Variants in GRID2 observed in about 807,000 individuals in gnomAD.
GRID2 encodes glutamate receptor ionotropic, delta-2.
GRID2 carries 33 observed loss-of-function variants against 114.8 expected under a neutral mutation model. That is an observed-to-expected ratio of 0.29 (90% CI 0.22 to 0.38). GRID2 has a LOEUF of 0.38. Among genes scored for constraint, GRID2 ranks in the 10% least tolerant of loss-of-function variants. The pLI is 1.00. For missense variants in GRID2, 1,184 were observed against 1,257.7 expected, an observed-to-expected ratio of 0.94 and a Z score of 0.89; for synonymous variants, 505 against 449.9, an observed-to-expected ratio of 1.12 and a Z score of -1.55.
At chr4:93,350,053 A>G (rs1760646319) in intron 8 of GRID2, among the ~76,000 whole-genome samples, 1 of 152,034 alleles carries the variant, frequency 6.6e-6, no homozygotes, top group Non-Finnish European at 1.5e-5. Context: ...AACATTTTAC[A>G]TCTTGTGCAG....
At chr4:92,975,777 A>G (rs1753833073) in intron 2 of GRID2, among the ~76,000 whole-genome samples, 1 of 152,116 alleles carries the variant, frequency 6.6e-6, no homozygotes, top group Non-Finnish European at 1.5e-5. Context: ...TTATCAACAA[A>G]TGTAGATAAT....
At chr4:92,878,799 A>G (rs1417986274) in intron 2 of GRID2, among the ~76,000 whole-genome samples, 1 of 152,174 alleles carries the variant, frequency 6.6e-6, no homozygotes, top group African/African-American at 2.4e-5. Flanking sequence ...CATACAAGGA[A>G]TTAGAGAAGA....
chr4:93,750,819 A>C (rs1732260106), intron 14 of GRID2, among the ~76,000 whole-genome samples: 1 of 152,200 alleles, frequency 6.6e-6, no homozygotes, highest in Admixed American at 6.5e-5. Context: ...TTAGGATAGA[A>C]GGAAGAAAGA....
chr4:92,943,545 T>C (rs1751352115), intron 2 of GRID2, among the ~76,000 whole-genome samples: 1 of 151,848 alleles, frequency 6.6e-6, no homozygotes, highest in African/African-American at 2.4e-5. Context: ...TAGCTCGGAG[T>C]AGTTTGATCG....
chr4:92,511,936 G>GA (rs1724271517), intron 1 of GRID2, among the ~76,000 whole-genome samples: 1 of 151,724 alleles, frequency 6.6e-6, no homozygotes, highest in Non-Finnish European at 1.5e-5. Flanking sequence ...TTAATGAACT[G>GA]AAGCTCTGTA....
intron 13 of GRID2, among the ~76,000 whole-genome samples, chr4:93,562,775 T>C (rs1735045998): frequency 1.3e-5 from 2 of 152,096 alleles, no homozygotes; most frequent in Admixed American, 1.3e-4. Context: ...TCTAGCACCA[T>C]TTGTTGAAAA....
intron 1 of GRID2, among the ~76,000 whole-genome samples, chr4:92,428,169 G>A (rs62311043): frequency 0.14 from 21,494 of 152,016 alleles, 1,841 homozygotes; most frequent in South Asian, 0.21. Context: ...GGCTGAGGCA[G>A]GAGAATGGCA....
At chr4:93,210,950 C>T (rs916214589) in intron 5 of GRID2, among the ~76,000 whole-genome samples, 1 of 151,932 alleles carries the variant, frequency 6.6e-6, no homozygotes, top group Non-Finnish European at 1.5e-5. Flanking sequence ...GCAAAACCAG[C>T]GAGAGTCATT....
intron 3 of GRID2, among the ~76,000 whole-genome samples, chr4:93,091,140 T>G (rs1330091195): frequency 6.6e-6 from 1 of 152,172 alleles, no homozygotes; most frequent in African/African-American, 2.4e-5. Flanking sequence ...CAATATAACC[T>G]AAATAACCCT....
intron 8 of GRID2, among the ~76,000 whole-genome samples, chr4:93,337,590 C>A (rs1006432631): frequency 6.6e-5 from 10 of 152,138 alleles, no homozygotes; most frequent in Non-Finnish European, 1.5e-4. Flanking sequence ...CTGTTCTTTG[C>A]TTTGAAGGGA....
chr4:93,527,804 T>C (rs778374067), intron 13 of GRID2, among the ~76,000 whole-genome samples: 1 of 151,824 alleles, frequency 6.6e-6, no homozygotes, highest in East Asian at 1.9e-4. Flanking sequence ...ATCGCCACCA[T>C]CCATCTCCAC....
intron 8 of GRID2, among the ~76,000 whole-genome samples, chr4:93,281,502 G>C (rs1209696747): frequency 1.3e-5 from 2 of 151,968 alleles, no homozygotes; most frequent in Non-Finnish European, 2.9e-5. Flanking sequence ...TTCTTTAGCA[G>C]AAACAAGGCT....
intron 1 of GRID2, among the ~76,000 whole-genome samples, chr4:92,520,134 TAAG>T (rs1263024249): frequency 2.6e-5 from 4 of 151,720 alleles, no homozygotes; most frequent in African/African-American, 7.3e-5. Flanking sequence ...ATGAAGGAAA[TAAG>T]AAGTTCATAA....
At chr4:93,176,691 G>A (rs909116354) in intron 4 of GRID2, among the ~76,000 whole-genome samples, 2 of 151,722 alleles carry the variant, frequency 1.3e-5, no homozygotes, top group Non-Finnish European at 2.9e-5. Context: ...AGTGTCTGAA[G>A]GAATATAATA....
At chr4:93,406,274 C>A (rs1766405663) in intron 9 of GRID2, among the ~76,000 whole-genome samples, 1 of 152,110 alleles carries the variant, frequency 6.6e-6, no homozygotes, top group Non-Finnish European at 1.5e-5. Context: ...TTGGAAACAA[C>A]TAAATGATCC....
intron 2 of GRID2, among the ~76,000 whole-genome samples, chr4:92,644,321 C>G (rs1227498098): frequency 2.0e-5 from 3 of 151,584 alleles, no homozygotes; most frequent in African/African-American, 7.2e-5. Context: ...ATTAATTTTC[C>G]TATTTGATAT....
chr4:93,497,559 A>G (rs565149295), intron 12 of GRID2, among the ~76,000 whole-genome samples: 5 of 151,828 alleles, frequency 3.3e-5, no homozygotes, highest in East Asian at 1.9e-4. Context: ...TTTAGGTTCA[A>G]TTTTTCACTA....
At chr4:93,020,005 T>C (rs1462604946) in intron 2 of GRID2, among the ~76,000 whole-genome samples, 1 of 152,190 alleles carries the variant, frequency 6.6e-6, no homozygotes. Context: ...CTACTACTTA[T>C]TAATTCTGTG....
intron 5 of GRID2, among the ~76,000 whole-genome samples, chr4:93,214,160 G>T (rs1466072292): frequency 6.6e-6 from 1 of 151,988 alleles, no homozygotes; most frequent in Non-Finnish European, 1.5e-5. Context: ...ATTTAATGGT[G>T]CTGGGGGCTT....
Sources: allele counts gnomAD v4.1 joint callset (sites outside exome capture counted in the v4.1 genomes callset), GRCh38; gene constraint gnomAD v4.1.1; transcripts MANE v1.5; gene names NCBI Gene and HGNC (gene_info 2026-07-23, HGNC 2026-07-21).